The following ITGAE variants were observed in gnomAD, a reference collection of about 807,000 sequenced individuals.
ITGAE encodes the protein integrin subunit alpha E.
In ITGAE, 99 loss-of-function variants were observed where a neutral mutation model predicts 136.5. The ratio of observed to expected loss-of-function variants is 0.73; its 90% confidence interval spans 0.62 to 0.86. ITGAE has a LOEUF of 0.86. ITGAE is among the 40% of genes least tolerant of loss of function. The pLI is 0.00. For synonymous variants in ITGAE, 613 were observed against 591.8 expected (o/e 1.04, Z -0.52); for missense variants, 1,447 against 1,515.3 (o/e 0.95, Z 0.75).
At chr17:3,723,876 G>T in intron 26 of ITGAE, 132 bp from the exon 27 acceptor site, 2 of 1,517,340 alleles carry the variant, frequency 1.3e-6, no homozygotes, top group Non-Finnish European at 1.8e-6. Flanking sequence ...AGGCGGGCGC[G>T]TCCGCGTCGC....
rs398041526 is a variant in ITGAE at position 3,756,224 on chromosome 17, CTTT to C, written c.1172-330_1172-328del. On this transcript the variant is annotated intron_variant, in intron 10 of 30. Coordinates refer to ENST00000263087, the MANE Select transcript of ITGAE (RefSeq NM_002208.5). ...AAGGAGGCCTGGGGATATTGTTGGC[CTTT>C]TTTTTTTTTTTTTTTTTTTTTTTTG... 6.0e-4 allele frequency among the ~76,000 whole-genome samples: 57 copies of C among 95,034 alleles called. 10 individuals carry two copies. Among genetic ancestry groups the C allele is most frequent in the African/African-American group, 6.8e-4 (17 of 25,132 alleles). 62.3% of individuals were successfully genotyped at this position (95,034 alleles called of 152,430 possible).
chr17:3,797,246 A>G (rs950219940), intron 1 of ITGAE, among the ~76,000 whole-genome samples: 1 of 145,232 alleles, frequency 6.9e-6, no homozygotes, highest in Non-Finnish European at 1.5e-5. Flanking sequence ...GCTCACTGCA[A>G]GCTCCGCCTC....
At chr17:3,778,529 C>T (rs1458175650) in intron 1 of ITGAE, among the ~76,000 whole-genome samples, 1 of 152,182 alleles carries the variant, frequency 6.6e-6, no homozygotes, top group African/African-American at 2.4e-5. Context: ...CACCGCTGCA[C>T]TCCAGCCTGA....
Position 3,750,688 on chromosome 17 carries a change from G to A in ITGAE, c.1894-206C>T, listed in dbSNP as rs2051844260. ...CGAAGGGCAGGTGGGACTTGACAGG[G>A]GAGAGTAAGGGAAAGAGTGAGGCAT... is the stretch of plus-strand genomic sequence containing the variant. On this transcript the variant is annotated intron_variant, in intron 15 of 30. Coordinates refer to ENST00000263087, the MANE Select transcript of ITGAE (RefSeq NM_002208.5). 3.3e-5 allele frequency among the ~76,000 whole-genome samples: 5 copies of A among 152,106 alleles called. 1 individual carries two copies. The South Asian group carries it at 1.0e-3, about 32-fold the overall frequency.
chr17:3,781,498 A>G (rs144896970), intron 1 of ITGAE, among the ~76,000 whole-genome samples: 44 of 152,264 alleles, frequency 2.9e-4, no homozygotes, highest in African/African-American at 1.0e-3. Flanking sequence ...AGCTGGGATT[A>G]CAGGCACCCG....
intron 2 of ITGAE, among the ~76,000 whole-genome samples, chr17:3,765,834 T>C (rs2052285421): frequency 6.6e-6 from 1 of 152,128 alleles, no homozygotes; most frequent in Admixed American, 6.6e-5. Flanking sequence ...ACTGTCTTCC[T>C]TGCCGGCACA....
intron 26 of ITGAE, chr17:3,724,098 G>T: frequency 6.3e-7 from 1 of 1,594,452 alleles, no homozygotes; most frequent in East Asian, 2.2e-5. Context: ...CGCCAGCATC[G>T]GCGACCCCTC....
intron 19 of ITGAE, among the ~76,000 whole-genome samples, chr17:3,742,160 G>A (rs761921029): frequency 1.3e-5 from 2 of 152,172 alleles, no homozygotes; most frequent in Non-Finnish European, 2.9e-5. Context: ...AAAAGGACTG[G>A]CCTGTACCCT....
rs377759357 is a variant in ITGAE, at chr17:3,743,633, G to T, written c.2320-16C>A. 5.0e-6 allele frequency: 8 copies of T among 1,607,764 alleles called. No homozygotes were observed. In the African/African-American group the frequency reaches 1.1e-4, roughly 22 times the overall value. ...CCTCACAGAGCTGTGGGGTCACCAC[G>T]GAAGGCAGGGTTAGAGTTGGATGTG... On this transcript the variant is annotated splice_polypyrimidine_tract_variant and intron_variant, in intron 18 of 30. Coordinates refer to ENST00000263087, the MANE Select transcript of ITGAE (RefSeq NM_002208.5).
At chr17:3,745,551 C>T (rs1597324901) in intron 18 of ITGAE, among the ~76,000 whole-genome samples, 3 of 151,990 alleles carry the variant, frequency 2.0e-5, no homozygotes, top group African/African-American at 4.8e-5. Flanking sequence ...CGTGTTGGCC[C>T]GGCTGGTCTC....
intron 15 of ITGAE, among the ~76,000 whole-genome samples, 164 bp from the exon 16 acceptor site, chr17:3,750,646 G>C (rs77484053): frequency 7.4e-4 from 113 of 152,292 alleles, no homozygotes; most frequent in African/African-American, 2.6e-3. Context: ...AGAGGAAGTG[G>C]CATTTGGATG....
In ITGAE at chr17:3,744,740, C is replaced by T. The variant is rs544565416; in HGVS notation, c.2319+1024G>A. Among the ~76,000 whole-genome samples, 29 of 152,206 alleles carry T rather than the reference C, an allele frequency of 1.9e-4. No homozygotes were observed. The South Asian group carries it at 5.0e-3, about 26-fold the overall frequency. ...CTGGGATTAGAGGCGTGAGCCACTG[C>T]GCCCAACCAACCAAGATCTTTCTCA... On this transcript the variant is annotated intron_variant, in intron 18 of 30. Coordinates refer to ENST00000263087, the MANE Select transcript of ITGAE (RefSeq NM_002208.5).
chr17:3,748,087 CTG>C, intron 16 of ITGAE, 35 bp from the exon 17 acceptor site: 2 of 1,594,812 alleles, frequency 1.3e-6, no homozygotes, highest in African/African-American at 2.7e-5. Flanking sequence ...GGAGAAGTGA[CTG>C]CTCAGCCTCT....
At chr17:3,773,686 G>A (rs2052478793) in intron 2 of ITGAE, among the ~76,000 whole-genome samples, 1 of 151,952 alleles carries the variant, frequency 6.6e-6, no homozygotes, top group South Asian at 2.1e-4. Context: ...CATTACATAG[G>A]CATGACTCAT....
chr17:3,786,384 T>C (rs577654024), intron 1 of ITGAE, among the ~76,000 whole-genome samples: 1 of 152,118 alleles, frequency 6.6e-6, no homozygotes, highest in African/African-American at 2.4e-5. Context: ...TTTCCAAACA[T>C]TTAAAGAGAA....
In ITGAE at chr17:3,714,703, T is replaced by G; in HGVS notation, c.*144A>C. The G allele has an allele frequency of 1.8e-6, 1 of 542,904 alleles. No homozygotes were observed. The highest frequency in any genetic ancestry group is 3.2e-6 in the Non-Finnish European group (1 of 307,930). 33.6% of individuals were successfully genotyped at this position (542,904 alleles called of 1,614,324 possible). A position where few individuals can be genotyped will look rare whatever the true frequency, so the allele number is the denominator to read the frequency against. ...TTTTTGCACAATGCACAGACACTTT[T>G]GGGACAATGTATGGTTAAAAACTAA... On this transcript the variant is annotated 3_prime_UTR_variant, in exon 31 of 31. Transcript: ENST00000263087.
At chr17:3,791,314 A>T (rs566187316) in intron 1 of ITGAE, among the ~76,000 whole-genome samples, 7 of 150,772 alleles carry the variant, frequency 4.6e-5, no homozygotes. Flanking sequence ...ACTGAGTCGT[A>T]CTCTGTTGCC....
chr17:3,753,552 C>T, intron 13 of ITGAE, 122 bp from the exon 14 acceptor site: 1 of 1,285,364 alleles, frequency 7.8e-7, no homozygotes, highest in East Asian at 2.4e-5. Flanking sequence ...TCAATTTGCT[C>T]ACTGAGAGTA....
chr17:3,797,224 G>T (rs1376068323), intron 1 of ITGAE, among the ~76,000 whole-genome samples: 1 of 142,002 alleles, frequency 7.0e-6, no homozygotes, highest in African/African-American at 2.6e-5. Context: ...GGAGTGCAGT[G>T]GCGCAATCTC....
Sources: allele counts gnomAD v4.1 joint callset (sites outside exome capture counted in the v4.1 genomes callset), GRCh38; gene constraint gnomAD v4.1.1; transcripts MANE v1.5; gene names NCBI Gene and HGNC (gene_info 2026-07-23, HGNC 2026-07-21).